Variants in CACHD1 observed in about 807,000 individuals in gnomAD.
CACHD1 encodes the protein cache domain containing 1.
In CACHD1, 71 loss-of-function variants were observed where a neutral mutation model predicts 138.7. That is an observed-to-expected ratio of 0.51 (90% CI 0.42 to 0.62). The LOEUF is 0.62. Ranked by LOEUF, CACHD1 falls within the 20% of genes least tolerant of loss-of-function variation. The pLI is 0.00. For synonymous variants in CACHD1, 578 were observed against 591.5 expected, an observed-to-expected ratio of 0.98 and a Z score of 0.33; for missense variants, 1,389 against 1,625.3, an observed-to-expected ratio of 0.85 and a Z score of 2.50.
At chr1:64,504,995 C>A (rs1385455356) in intron 1 of CACHD1, among the ~76,000 whole-genome samples, 1 of 152,172 alleles carries the variant, frequency 6.6e-6, no homozygotes, top group East Asian at 1.9e-4. Context: ...TTGATAACAG[C>A]AGTCTTTGAG....
intron 2 of CACHD1, among the ~76,000 whole-genome samples, chr1:64,573,820 A>G (rs1056403908): frequency 4.6e-5 from 7 of 152,068 alleles, no homozygotes; most frequent in South Asian, 2.1e-4. Context: ...TAAAAATAGC[A>G]TAGGGTGATT....
Position 64,565,866 on chromosome 1 carries a change from A to ATT in CACHD1, c.261+15210_261+15211insTT, listed in dbSNP as rs1440392096. 7.2e-5 allele frequency among the ~76,000 whole-genome samples: 11 copies of ATT among 152,306 alleles called. No homozygotes were observed. The South Asian group carries it at 2.3e-3, about 32-fold the overall frequency. On this transcript the variant is annotated intron_variant, in intron 2 of 26. Coordinates refer to ENST00000651257, the MANE Select transcript of CACHD1 (RefSeq NM_020925.4). ...GACCTCAGAAATGAATGTGGCAGTG[A>ATT]CCAGATGTTTAATCCAAGTTTAGTG...
chr1:64,589,299 A>G (rs912169566), intron 3 of CACHD1, among the ~76,000 whole-genome samples: 1 of 152,126 alleles, frequency 6.6e-6, no homozygotes, highest in Non-Finnish European at 1.5e-5. Context: ...CTTGAATTAT[A>G]TGATTTCAGG....
chr1:64,670,223 C>A lies in CACHD1; in HGVS notation c.2388-1341C>A, dbSNP rs371403247. Among the ~76,000 whole-genome samples, 13 of 151,934 alleles carry A rather than the reference C, an allele frequency of 8.6e-5. No homozygotes were observed. In the South Asian group the frequency reaches 1.2e-3, roughly 15 times the overall value. ...GACTGGGGCAGGAGGATCACTTGAG[C>A]CCCCAGGAGCTTGAATCTAGCCTGG... On this transcript the variant is annotated intron_variant, in intron 16 of 26. Transcript: ENST00000651257.
intron 4 of CACHD1, among the ~76,000 whole-genome samples, chr1:64,608,879 A>G (rs1647426925): frequency 1.3e-5 from 2 of 152,310 alleles, no homozygotes; most frequent in East Asian, 1.9e-4. Flanking sequence ...GAGTTATGCA[A>G]TTGAGGTGAG....
intron 1 of CACHD1, among the ~76,000 whole-genome samples, chr1:64,501,997 C>A (rs759544500): frequency 1.3e-5 from 2 of 152,234 alleles, no homozygotes; most frequent in Non-Finnish European, 2.9e-5. Context: ...CATAGAAATT[C>A]CCCAACAGCA....
intron 1 of CACHD1, among the ~76,000 whole-genome samples, chr1:64,486,662 G>T (rs968061346): frequency 6.6e-6 from 1 of 152,064 alleles, no homozygotes; most frequent in East Asian, 1.9e-4. Flanking sequence ...AGGATTTTTG[G>T]GTCAATGTGG....
chr1:64,557,575 G>A (rs1203651264), intron 2 of CACHD1, among the ~76,000 whole-genome samples: 1 of 151,996 alleles, frequency 6.6e-6, no homozygotes, highest in African/African-American at 2.4e-5. Context: ...CTGCTCTTCT[G>A]CGGTTTTTGA....
chr1:64,634,888 C>T (rs1474961902), intron 7 of CACHD1, among the ~76,000 whole-genome samples: 1 of 145,520 alleles, frequency 6.9e-6, no homozygotes, highest in South Asian at 2.2e-4. Context: ...CCCAGCTCCT[C>T]GGGAGGCTGA....
chr1:64,501,291 A>G (rs1045723774), intron 1 of CACHD1, among the ~76,000 whole-genome samples: 1 of 152,168 alleles, frequency 6.6e-6, no homozygotes, highest in African/African-American at 2.4e-5. Flanking sequence ...AGAATAATAA[A>G]GTGGTTTTGA....
chr1:64,626,809 A>G lies in CACHD1; in HGVS notation c.518-2546A>G, dbSNP rs1008257699. On this transcript the variant is annotated intron_variant, in intron 4 of 26. Coordinates refer to ENST00000651257, the MANE Select transcript of CACHD1 (RefSeq NM_020925.4). ...CAATGACAACAGGTAGATCTTTGCT[A>G]TCTTTGGATTTCCATAGCCCTTCTC... is the stretch of plus-strand genomic sequence containing the variant. Among the ~76,000 whole-genome samples the G allele has an allele frequency of 6.6e-5, 10 of 152,336 alleles. No individual in the cohort carries two copies. In the East Asian group the frequency reaches 1.7e-3, roughly 26 times the overall value.
chr1:64,582,127 G>A (rs368182280), intron 2 of CACHD1, 29 bp from the exon 3 acceptor site: 27 of 1,609,336 alleles, frequency 1.7e-5, no homozygotes, highest in South Asian at 3.3e-5. Flanking sequence ...TTGGACTTTC[G>A]ATTTATTTTG....
intron 2 of CACHD1, among the ~76,000 whole-genome samples, chr1:64,578,314 T>A (rs1205832912): frequency 6.6e-6 from 1 of 152,150 alleles, no homozygotes. Context: ...GCTATTAAAA[T>A]TTTCTGAAGA....
chr1:64,571,142 C>T (rs1312038826), intron 2 of CACHD1, among the ~76,000 whole-genome samples: 5 of 152,162 alleles, frequency 3.3e-5, no homozygotes, highest in Admixed American at 2.6e-4. Context: ...CCTAATGCCA[C>T]GTCATACTCA....
At chr1:64,506,137 G>T (rs4915980) in intron 1 of CACHD1, 1 of 152,106 alleles carries the variant, frequency 6.6e-6, no homozygotes, top group Non-Finnish European at 1.5e-5. Flanking sequence ...TAAGTGCCAG[G>T]TGCGAGCAAG....
At chr1:64,479,882 T>C (rs950723671) in intron 1 of CACHD1, among the ~76,000 whole-genome samples, 1 of 152,200 alleles carries the variant, frequency 6.6e-6, no homozygotes, top group Non-Finnish European at 1.5e-5. Context: ...TTGGAGGTGG[T>C]GTGCTCTGAG....
At chr1:64,542,837 C>T (rs1180788114) in intron 1 of CACHD1, among the ~76,000 whole-genome samples, 1 of 152,006 alleles carries the variant, frequency 6.6e-6, no homozygotes, top group Non-Finnish European at 1.5e-5. Context: ...TCTCTCAGAA[C>T]CTCAGTTCCC....
chr1:64,678,599 CTGTT>C (rs1481522920), intron 23 of CACHD1, among the ~76,000 whole-genome samples: 1 of 152,162 alleles, frequency 6.6e-6, no homozygotes, highest in Non-Finnish European at 1.5e-5. Flanking sequence ...ACTCTGGAGT[CTGTT>C]TGGATATGCA....
At chr1:64,632,268 A>AG (rs1648335295) in intron 5 of CACHD1, among the ~76,000 whole-genome samples, 1 of 151,580 alleles carries the variant, frequency 6.6e-6, no homozygotes, top group Non-Finnish European at 1.5e-5. Context: ...AAAAAAAAAA[A>AG]AAAAAAAAAA....
Sources: gnomAD v4.1 joint callset for allele counts (sites outside exome capture counted in the v4.1 genomes callset) on GRCh38, gnomAD v4.1.1 for gene constraint, MANE v1.5 for transcripts, NCBI Gene and HGNC (gene_info 2026-07-23, HGNC 2026-07-21) for gene names.